Variants in IQCM observed in about 807,000 individuals in gnomAD.
The protein encoded by IQCM is IQ domain-containing protein M.
A neutral mutation model predicts 57.6 loss-of-function variants in IQCM; 45 were observed. That is an observed-to-expected ratio of 0.78 (90% CI 0.62 to 1.00). The LOEUF (loss-of-function observed/expected upper bound fraction) is 1.00, where lower values mean the gene tolerates loss of function less well. IQCM is among the 50% of genes least tolerant of loss of function. The pLI is 0.00. For synonymous variants in IQCM, 148 were observed against 158.9 expected (o/e 0.93, Z 0.51); for missense variants, 468 against 511.6 (o/e 0.91, Z 0.82).
At chr4:149,398,335 G>A (rs1239295763) in intron 13 of IQCM, among the ~76,000 whole-genome samples, 1 of 151,856 alleles carries the variant, frequency 6.6e-6, no homozygotes, top group Non-Finnish European at 1.5e-5. Context: ...AAGATTGATT[G>A]TTTATTTGTG....
rs572178339 is a variant in IQCM at position 149,733,057 on chromosome 4, G to C, written c.385+187C>G. On this transcript the variant is annotated intron_variant, in intron 5 of 13. Coordinates refer to ENST00000636793, the MANE Select transcript of IQCM (RefSeq NM_001363507.2). ...TAAATTTCTCTTTCCCTTTAGAATGGGTTCATCTCAATTTCTGGTGGTGCC... is the reference window on the plus strand; with the variant it reads ...TAAATTTCTCTTTCCCTTTAGAATGCGTTCATCTCAATTTCTGGTGGTGCC... Among the ~76,000 whole-genome samples, 559 of 152,184 alleles carry C rather than the reference G, an allele frequency of 3.7e-3. 1 individual carries two copies. The highest frequency in any genetic ancestry group is 5.6e-3 in the Non-Finnish European group (380 of 67,974).
chr4:149,760,323 TTTTC>T (rs373951229), intron 2 of IQCM, among the ~76,000 whole-genome samples: 97 of 152,272 alleles, frequency 6.4e-4, no homozygotes, highest in African/African-American at 2.2e-3. Flanking sequence ...TCTTCAAGTA[TTTTC>T]TTTCTAAGTA....
At chr4:149,418,081 A>G (rs1462482941) in intron 13 of IQCM, among the ~76,000 whole-genome samples, 1 of 151,954 alleles carries the variant, frequency 6.6e-6, no homozygotes, top group Non-Finnish European at 1.5e-5. Context: ...CAAAGCTAGC[A>G]GAAGATAAGA....
intron 2 of IQCM, among the ~76,000 whole-genome samples, chr4:149,812,526 A>ACT (rs1402899983): frequency 1.8e-4 from 28 of 151,430 alleles, no homozygotes; most frequent in African/African-American, 6.1e-4. Context: ...ACACACACAC[A>ACT]CACTATCCTT....
chr4:149,459,179 G>A (rs1027581101), intron 12 of IQCM, among the ~76,000 whole-genome samples: 1 of 152,168 alleles, frequency 6.6e-6, no homozygotes, highest in Admixed American at 6.6e-5. Flanking sequence ...TAAAATAATT[G>A]TTCTCTTCTT....
chr4:149,635,214 G>A (rs1356492668), intron 7 of IQCM, among the ~76,000 whole-genome samples: 3 of 152,156 alleles, frequency 2.0e-5, no homozygotes, highest in Non-Finnish European at 4.4e-5. Context: ...AGTGCAAGGA[G>A]GCATATCTCA....
intron 5 of IQCM, chr4:149,691,084 A>G (rs542896817): frequency 1.3e-5 from 2 of 152,314 alleles, no homozygotes; most frequent in Non-Finnish European, 2.9e-5. Context: ...TTTAAGTTTG[A>G]GTCTTAAAAA....
chr4:149,458,722 C>A (rs1470238258), intron 12 of IQCM, among the ~76,000 whole-genome samples: 1 of 151,966 alleles, frequency 6.6e-6, no homozygotes, highest in Non-Finnish European at 1.5e-5. Flanking sequence ...AAAGCTAATT[C>A]AGAATTTAGT....
At chr4:149,588,612 A>C (rs190736855) in intron 8 of IQCM, among the ~76,000 whole-genome samples, 1 of 151,976 alleles carries the variant, frequency 6.6e-6, no homozygotes, top group Non-Finnish European at 1.5e-5. Context: ...TGATGACTTT[A>C]TAAGACGAGG....
chr4:149,404,148 T>G (rs1015299845), intron 13 of IQCM, among the ~76,000 whole-genome samples: 2 of 152,044 alleles, frequency 1.3e-5, no homozygotes. Flanking sequence ...AAGAGACACA[T>G]GTTCTTCGAT....
chr4:149,484,277 T>C (rs1209224383), intron 12 of IQCM, among the ~76,000 whole-genome samples: 1 of 151,974 alleles, frequency 6.6e-6, no homozygotes, highest in Non-Finnish European at 1.5e-5. Context: ...GTCTTTTGAT[T>C]GTAGAGTTAA....
intron 13 of IQCM, among the ~76,000 whole-genome samples, chr4:149,427,852 G>C (rs1264796995): frequency 6.6e-6 from 1 of 151,906 alleles, no homozygotes; most frequent in African/African-American, 2.4e-5. Flanking sequence ...GCAGTGTATA[G>C]TGGATAAAAT....
intron 12 of IQCM, among the ~76,000 whole-genome samples, chr4:149,452,261 A>G (rs1027986595): frequency 1.3e-5 from 2 of 151,564 alleles, no homozygotes; most frequent in Non-Finnish European, 3.0e-5. Flanking sequence ...TAAGACATCA[A>G]TTCTCCCCAA....
intron 13 of IQCM, among the ~76,000 whole-genome samples, chr4:149,402,590 T>C (rs776956610): frequency 6.6e-6 from 1 of 151,818 alleles, no homozygotes; most frequent in Non-Finnish European, 1.5e-5. Flanking sequence ...ATGACACTTA[T>C]GTACATTCAA....
intron 12 of IQCM, among the ~76,000 whole-genome samples, chr4:149,538,526 TA>T (rs1157035129): frequency 6.6e-6 from 1 of 151,840 alleles, no homozygotes; most frequent in East Asian, 1.9e-4. Context: ...ATGACAGACA[TA>T]AATGTAGCAT....
At chr4:149,529,586 A>C (rs1579380584) in intron 12 of IQCM, among the ~76,000 whole-genome samples, 1 of 152,172 alleles carries the variant, frequency 6.6e-6, no homozygotes, top group Non-Finnish European at 1.5e-5. Context: ...GATTTGCACT[A>C]TTACCAAAAG....
At chr4:149,745,376 C>T (rs1286477126) in intron 2 of IQCM, among the ~76,000 whole-genome samples, 2 of 152,178 alleles carry the variant, frequency 1.3e-5, no homozygotes, top group Non-Finnish European at 1.5e-5. Context: ...CTGCAACAAG[C>T]CTTGAACAAG....
chr4:149,519,942 T>C (rs1297423802), intron 12 of IQCM, among the ~76,000 whole-genome samples: 3 of 151,902 alleles, frequency 2.0e-5, no homozygotes, highest in Non-Finnish European at 4.4e-5. Flanking sequence ...GAGGCAGAGC[T>C]TGTAGTGAGG....
intron 12 of IQCM, among the ~76,000 whole-genome samples, chr4:149,446,248 T>C (rs1736494446): frequency 6.6e-6 from 1 of 151,726 alleles, no homozygotes; most frequent in African/African-American, 2.4e-5. Flanking sequence ...CTCTGAGATA[T>C]ATTTATAAAA....
Sources: gnomAD v4.1 joint callset for allele counts (sites outside exome capture counted in the v4.1 genomes callset) on GRCh38, gnomAD v4.1.1 for gene constraint, MANE v1.5 for transcripts, NCBI Gene and HGNC (gene_info 2026-07-23, HGNC 2026-07-21) for gene names.